The following GPC6 variants were observed in gnomAD, a reference collection of about 807,000 sequenced individuals.
GPC6 encodes the protein glypican 6, also known as glypican-6.
A neutral mutation model predicts 55.2 loss-of-function variants in GPC6; 14 were observed. The observed-to-expected ratio is 0.25, with a 90% confidence interval of 0.17 to 0.40. The LOEUF (loss-of-function observed/expected upper bound fraction) is 0.40. Among genes scored for constraint, GPC6 ranks in the 10% least tolerant of loss-of-function variants. GPC6 has a pLI of 1.00. For synonymous variants in GPC6, 278 were observed against 259.6 expected (o/e 1.07, Z -0.68); for missense variants, 641 against 708.5 (o/e 0.90, Z 1.08).
At chr13:94,298,777 G>A (rs1290073906) in intron 5 of GPC6, among the ~76,000 whole-genome samples, 2 of 152,178 alleles carry the variant, frequency 1.3e-5, no homozygotes, top group Non-Finnish European at 2.9e-5. Context: ...CAAATAATTT[G>A]TTTTACATGG....
chr13:93,678,229 T>G (rs1881720142), intron 2 of GPC6, among the ~76,000 whole-genome samples: 1 of 152,184 alleles, frequency 6.6e-6, no homozygotes, highest in African/African-American at 2.4e-5. Context: ...CTTTATCTCT[T>G]AGAGAACTTT....
chr13:93,873,713 GTAT>G (rs920461568), intron 3 of GPC6, among the ~76,000 whole-genome samples: 1 of 151,876 alleles, frequency 6.6e-6, no homozygotes, highest in Non-Finnish European at 1.5e-5. Context: ...TGAATACAAC[GTAT>G]TATTATAAAC....
intron 3 of GPC6, among the ~76,000 whole-genome samples, chr13:93,965,448 A>C (rs1879997842): frequency 6.6e-6 from 1 of 152,038 alleles, no homozygotes; most frequent in Non-Finnish European, 1.5e-5. Context: ...AATACTTTGC[A>C]ATTCATTCGG....
chr13:93,523,012 A>T (rs1386091905), intron 1 of GPC6, among the ~76,000 whole-genome samples: 1 of 47,050 alleles, frequency 2.1e-5, no homozygotes, highest in Admixed American at 2.0e-4. Context: ...AGAGGGAAAA[A>T]ATATATATAT....
chr13:94,030,346 G>C (rs944221558), intron 4 of GPC6, among the ~76,000 whole-genome samples: 1 of 152,034 alleles, frequency 6.6e-6, no homozygotes, highest in African/African-American at 2.4e-5. Context: ...AGATGTCTTT[G>C]AGAAAATTCT....
At chr13:93,232,468 T>C (rs1389384665) in intron 1 of GPC6, among the ~76,000 whole-genome samples, 1 of 152,216 alleles carries the variant, frequency 6.6e-6, no homozygotes, top group African/African-American at 2.4e-5. Flanking sequence ...ATTTGGGCAT[T>C]AATTTTAGAG....
chr13:93,231,395 A>G (rs9556273), intron 1 of GPC6, among the ~76,000 whole-genome samples: 3,447 of 22,318 alleles, frequency 0.15, 149 homozygotes, highest in Non-Finnish European at 0.2. Context: ...ATATATATAT[A>G]TGTATATATA....
chr13:93,575,625 C>T lies in GPC6; in HGVS notation c.319+30204C>T, dbSNP rs1015888050. Among the ~76,000 whole-genome samples the T allele has an allele frequency of 2.6e-5, 4 of 152,168 alleles. No individual in the cohort carries two copies. The East Asian group carries it at 7.7e-4, about 29-fold the overall frequency. ...GGCCTCTTTTATTTCTCATCTCTAT[C>T]ATTTCCTGCCTTCTTCTCAGTGTCT... On this transcript the variant is annotated intron_variant, in intron 2 of 8. Coordinates refer to ENST00000377047, the MANE Select transcript of GPC6 (RefSeq NM_005708.5).
intron 2 of GPC6, among the ~76,000 whole-genome samples, chr13:93,562,222 G>A (rs2139460194): frequency 6.6e-6 from 1 of 152,126 alleles, no homozygotes; most frequent in South Asian, 2.1e-4. Context: ...AGGAGAGAAT[G>A]CAGTAGTTAC....
chr13:94,202,576 G>T (rs567099439), intron 4 of GPC6, among the ~76,000 whole-genome samples: 1 of 152,066 alleles, frequency 6.6e-6, no homozygotes, highest in African/African-American at 2.4e-5. Context: ...TCTCCCACCG[G>T]GTCCCTCCCA....
intron 6 of GPC6, among the ~76,000 whole-genome samples, chr13:94,375,014 G>A (rs1233043144): frequency 1.4e-4 from 21 of 148,502 alleles, no homozygotes; most frequent in Non-Finnish European, 3.0e-4. Flanking sequence ...TGAAACCAAC[G>A]AGAACAAAGA....
At chr13:93,895,234 G>GTGTGTGTGTGTGTGTGTGTGTGTGTT (rs1196315147) in intron 3 of GPC6, among the ~76,000 whole-genome samples, 1 of 108,208 alleles carries the variant, frequency 9.2e-6, no homozygotes, top group African/African-American at 3.7e-5. Context: ...GTGTGTGTGT[G>GTGTGTGTGTGTGTGTGTGTGTGTGTT]TATATATATA....
intron 1 of GPC6, among the ~76,000 whole-genome samples, chr13:93,336,123 CTGT>C (rs1211648225): frequency 6.6e-6 from 1 of 152,102 alleles, no homozygotes; most frequent in Non-Finnish European, 1.5e-5. Context: ...AACAGATAAA[CTGT>C]TGTTGGCTTG....
chr13:94,171,695 G>A (rs995675075), intron 4 of GPC6, among the ~76,000 whole-genome samples: 2 of 152,280 alleles, frequency 1.3e-5, no homozygotes, highest in Admixed American at 1.3e-4. Flanking sequence ...GTTGTTACCA[G>A]CTTGAGTTTC....
At chr13:93,648,892 G>A (rs1880289327) in intron 2 of GPC6, among the ~76,000 whole-genome samples, 1 of 152,044 alleles carries the variant, frequency 6.6e-6, no homozygotes, top group Non-Finnish European at 1.5e-5. Context: ...TAAATTCATT[G>A]CCAAAAGGTG....
chr13:93,282,331 C>T (rs1354381550), intron 1 of GPC6, among the ~76,000 whole-genome samples: 1 of 152,068 alleles, frequency 6.6e-6, no homozygotes, highest in Non-Finnish European at 1.5e-5. Flanking sequence ...AGGTCCTTAT[C>T]TAAGGGGGAT....
intron 1 of GPC6, among the ~76,000 whole-genome samples, chr13:93,413,631 C>T (rs1876592666): frequency 6.6e-6 from 1 of 150,844 alleles, no homozygotes; most frequent in Non-Finnish European, 1.5e-5. Context: ...TTCAGTAATG[C>T]AATCATATGA....
chr13:94,004,846 C>A (rs1381737588), intron 3 of GPC6, among the ~76,000 whole-genome samples: 1 of 152,062 alleles, frequency 6.6e-6, no homozygotes, highest in Non-Finnish European at 1.5e-5. Context: ...CACCTGAAGT[C>A]AGGAGTTTGA....
At chr13:94,165,410 G>GT (rs1266354161) in intron 4 of GPC6, among the ~76,000 whole-genome samples, 3 of 151,872 alleles carry the variant, frequency 2.0e-5, no homozygotes, top group Non-Finnish European at 2.9e-5. Flanking sequence ...ACCAAACATC[G>GT]TATGTTCTCA....
Sources: gnomAD v4.1 joint callset for allele counts (sites outside exome capture counted in the v4.1 genomes callset) on GRCh38, gnomAD v4.1.1 for gene constraint, MANE v1.5 for transcripts, NCBI Gene and HGNC (gene_info 2026-07-23, HGNC 2026-07-21) for gene names.